Variants in LRRC69 observed in about 807,000 individuals in gnomAD.
The protein encoded by LRRC69 is leucine-rich repeat-containing protein 69.
In LRRC69, 42 loss-of-function variants were observed where a neutral mutation model predicts 37.8. The observed-to-expected ratio is 1.11, with a 90% CI of 0.87 to 1.44. The LOEUF (loss-of-function observed/expected upper bound fraction) is 1.44, where lower values mean the gene tolerates loss of function less well. Among genes scored for constraint, LRRC69 ranks in the 40% most tolerant of loss-of-function variants. The pLI is 0.00. For synonymous variants in LRRC69, 141 were observed against 143.1 expected (o/e 0.99, Z 0.11); for missense variants, 357 against 401.9 (o/e 0.89, Z 0.96).
At chr8:91,197,703 C>T (rs1586281750) in intron 6 of LRRC69, among the ~76,000 whole-genome samples, 1 of 152,194 alleles carries the variant, frequency 6.6e-6, no homozygotes, top group African/African-American at 2.4e-5. Flanking sequence ...TGCTTCGGCT[C>T]GCGCACGGTG....
intron 1 of LRRC69, among the ~76,000 whole-genome samples, chr8:91,123,650 T>C (rs1813667597): frequency 6.6e-6 from 1 of 152,010 alleles, no homozygotes; most frequent in South Asian, 2.1e-4. Context: ...ATTTGGCCCT[T>C]ACTATTAAAA....
chr8:91,196,604 ATC>A (rs773971474), intron 6 of LRRC69, among the ~76,000 whole-genome samples: 285 of 151,988 alleles, frequency 1.9e-3, no homozygotes, highest in Middle Eastern at 3.4e-3. Context: ...TTCATCTTCC[ATC>A]GCTGATACCC....
intron 6 of LRRC69, among the ~76,000 whole-genome samples, chr8:91,198,412 T>G (rs1418999847): frequency 6.6e-6 from 1 of 152,194 alleles, no homozygotes; most frequent in African/African-American, 2.4e-5. Context: ...AGACTTTGAA[T>G]TTTTGCTCTT....
chr8:91,159,576 C>CA (rs1452056653), intron 5 of LRRC69, among the ~76,000 whole-genome samples: 1 of 150,720 alleles, frequency 6.6e-6, no homozygotes, highest in Non-Finnish European at 1.5e-5. Flanking sequence ...TACACATCAA[C>CA]AAAAAAATGG....
intron 6 of LRRC69, among the ~76,000 whole-genome samples, chr8:91,194,633 G>A (rs866073710): frequency 8.6e-5 from 13 of 151,796 alleles, no homozygotes; most frequent in Admixed American, 2.0e-4. Context: ...GTTTATTTGC[G>A]TAGAGGTGTT....
intron 7 of LRRC69, among the ~76,000 whole-genome samples, chr8:91,206,534 C>T (rs1256895495): frequency 1.3e-5 from 2 of 152,136 alleles, no homozygotes; most frequent in African/African-American, 2.4e-5. Context: ...ATGAGTACAG[C>T]GTGTCAGATT....
chr8:91,112,419 G>A (rs1813424114), intron 1 of LRRC69, among the ~76,000 whole-genome samples: 2 of 151,930 alleles, frequency 1.3e-5, no homozygotes, highest in Admixed American at 6.6e-5. Context: ...ACCTTTTACT[G>A]CCAAGGACCC....
chr8:91,150,385 G>C (rs375816079), intron 5 of LRRC69, among the ~76,000 whole-genome samples: 1 of 151,798 alleles, frequency 6.6e-6, no homozygotes, highest in South Asian at 2.1e-4. Context: ...GCTGGATTAC[G>C]TTTATTGATT....
chr8:91,136,733 G>A (rs367824532), intron 5 of LRRC69, among the ~76,000 whole-genome samples: 1 of 151,734 alleles, frequency 6.6e-6, no homozygotes, highest in East Asian at 1.9e-4. Flanking sequence ...CCCCTTCATG[G>A]CAACCACATA....
chr8:91,134,947 G>T (rs1166361705), intron 4 of LRRC69, among the ~76,000 whole-genome samples: 1 of 151,980 alleles, frequency 6.6e-6, no homozygotes, highest in East Asian at 1.9e-4. Context: ...CACATGCAAA[G>T]ATTTGAAAAA....
At chr8:91,160,352 G>A (rs1469200133) in intron 5 of LRRC69, among the ~76,000 whole-genome samples, 1 of 149,674 alleles carries the variant, frequency 6.7e-6, no homozygotes, top group African/African-American at 2.4e-5. Context: ...GGGACAATTT[G>A]ACTTCTTGTT....
chr8:91,197,422 G>C (rs1315865533), intron 6 of LRRC69, among the ~76,000 whole-genome samples: 1 of 152,162 alleles, frequency 6.6e-6, no homozygotes, highest in Non-Finnish European at 1.5e-5. Flanking sequence ...CTGGCCAATG[G>C]CGGGCGCCCC....
intron 5 of LRRC69, chr8:91,158,539 C>T: frequency 8.7e-7 from 1 of 1,142,920 alleles, no homozygotes. Flanking sequence ...GACTTACACA[C>T]TGTACATTTT....
chr8:91,163,464 C>T (rs976693838), intron 5 of LRRC69, among the ~76,000 whole-genome samples: 2 of 151,370 alleles, frequency 1.3e-5, no homozygotes, highest in African/African-American at 2.4e-5. Flanking sequence ...GTCTGATTTC[C>T]CTACACTTCA....
At chr8:91,147,952 A>G (rs912625908) in intron 5 of LRRC69, among the ~76,000 whole-genome samples, 12 of 151,688 alleles carry the variant, frequency 7.9e-5, no homozygotes, top group African/African-American at 2.9e-4. Flanking sequence ...GAGTGAGAAC[A>G]TGCGGTGTTT....
At chr8:91,157,632 T>C in intron 5 of LRRC69, 1 of 1,572,498 alleles carries the variant, frequency 6.4e-7, no homozygotes, top group South Asian at 1.1e-5. Flanking sequence ...TTCAGGAATC[T>C]AATAAAATGC....
chr8:91,175,527 C>A (rs143639209), intron 5 of LRRC69, among the ~76,000 whole-genome samples: 1 of 152,136 alleles, frequency 6.6e-6, no homozygotes, highest in East Asian at 1.9e-4. Context: ...TAGGCCAACC[C>A]TTTTGCGGCT....
At chr8:91,205,241 T>C (rs1383913666) in intron 7 of LRRC69, among the ~76,000 whole-genome samples, 1 of 152,246 alleles carries the variant, frequency 6.6e-6, no homozygotes, top group East Asian at 1.9e-4. Context: ...ACACAATATA[T>C]GAGCCAGAAA....
chr8:91,172,226 G>A (rs1383996236), intron 5 of LRRC69, among the ~76,000 whole-genome samples: 1 of 151,864 alleles, frequency 6.6e-6, no homozygotes, highest in Non-Finnish European at 1.5e-5. Context: ...AAAGTTCAGT[G>A]TGGCTACTCT....
Sources: allele counts gnomAD v4.1 joint callset (sites outside exome capture counted in the v4.1 genomes callset), GRCh38; gene constraint gnomAD v4.1.1; transcripts MANE v1.5; gene names NCBI Gene and HGNC (gene_info 2026-07-23, HGNC 2026-07-21).